The following TRHDE variants were observed in gnomAD, a reference collection of about 807,000 sequenced individuals.
TRHDE encodes the protein thyrotropin-releasing hormone-degrading ectoenzyme.
In TRHDE, 72 loss-of-function variants were observed where a neutral mutation model predicts 125.7. That is an observed-to-expected ratio of 0.57 (90% CI 0.47 to 0.70). The LOEUF (loss-of-function observed/expected upper bound fraction) is 0.70, where lower values mean the gene tolerates loss of function less well. Ranked by LOEUF, TRHDE falls within the 30% of genes least tolerant of loss-of-function variation. The probability of loss-of-function intolerance (pLI) is 0.00; values close to 1 mark genes in which losing one functional copy is unlikely to be tolerated. For missense variants in TRHDE, 1,110 were observed against 1,327.1 expected (o/e 0.84, Z 2.54); for synonymous variants, 509 against 509.1 (o/e 1.00, Z 0.00).
rs1340107034 is a variant in TRHDE, at chr12:72,273,549, G to A, written c.906G>A (p.Gly302=). ...TCCGCAGCTCCTATGTGCTCCACGG[G>A]GAGAGAAGGTATGGAGGGAGGCGGT... The part of the protein sequence containing the change: ...GFFRSSYVLH[G]ERRFLGVTQF... Residue 302 remains glycine (G), a synonymous_variant, in exon 1 of 19, where the codon GGG becomes GGA. Transcript: ENST00000261180. This position sits in a 1 kb window ranked among gnomAD's most constrained non-coding sequence, Gnocchi z 5.3. The A allele has an allele frequency of 6.3e-7, 1 of 1,596,254 alleles. No individual in the cohort carries two copies. The highest frequency in any genetic ancestry group is 1.3e-5 in the African/African-American group (1 of 74,928).
At chr12:72,414,300 C>T (rs1873638165) in intron 3 of TRHDE, among the ~76,000 whole-genome samples, 1 of 151,832 alleles carries the variant, frequency 6.6e-6, no homozygotes, top group Admixed American at 6.6e-5. Context: ...ACATCAGAGC[C>T]CAGGAACACC....
At chr12:72,318,251 G>T (rs1868902607) in intron 2 of TRHDE, among the ~76,000 whole-genome samples, 1 of 152,128 alleles carries the variant, frequency 6.6e-6, no homozygotes, top group Non-Finnish European at 1.5e-5. Context: ...AGAGTCCAAA[G>T]AAATGAGGGT....
chr12:72,603,851 A>G (rs180723839), intron 12 of TRHDE, among the ~76,000 whole-genome samples: 1 of 152,338 alleles, frequency 6.6e-6, no homozygotes, highest in East Asian at 1.9e-4. Context: ...ACTGAGACAC[A>G]TGTTGGTGAC....
chr12:72,375,484 G>C (rs187113165), intron 2 of TRHDE, among the ~76,000 whole-genome samples: 78 of 152,206 alleles, frequency 5.1e-4, no homozygotes, highest in Admixed American at 9.2e-4. Context: ...TGACTAACTG[G>C]TAAGATCGAT....
chr12:72,165,727 G>A (rs1566259619), intron 2 of TRHDE, among the ~76,000 whole-genome samples: 2 of 151,682 alleles, frequency 1.3e-5, no homozygotes, highest in Non-Finnish European at 2.9e-5. Flanking sequence ...AGGCTGGAGG[G>A]TCAGGGGCAC....
intron 3 of TRHDE, among the ~76,000 whole-genome samples, chr12:72,431,226 A>G (rs1874464118): frequency 6.6e-6 from 1 of 152,182 alleles, no homozygotes; most frequent in Non-Finnish European, 1.5e-5. Context: ...GAAAGACAAC[A>G]TTAAAAACAT....
At chr12:72,250,626 A>G (rs1878660372) in intron 2 of TRHDE, among the ~76,000 whole-genome samples, 1 of 152,004 alleles carries the variant, frequency 6.6e-6, no homozygotes, top group Non-Finnish European at 1.5e-5. Flanking sequence ...CTGGATGCTC[A>G]AAGAATGTTT....
chr12:72,180,334 A>C (rs188459091), intron 2 of TRHDE, among the ~76,000 whole-genome samples: 1 of 152,272 alleles, frequency 6.6e-6, no homozygotes, highest in East Asian at 1.9e-4. Flanking sequence ...ATATTATAAT[A>C]AGAATTAACA....
intron 3 of TRHDE, among the ~76,000 whole-genome samples, chr12:72,380,245 T>C (rs528822582): frequency 6.6e-6 from 1 of 152,294 alleles, no homozygotes; most frequent in East Asian, 1.9e-4. Context: ...GAAGCAGATA[T>C]ACCAGTGAAT....
intron 2 of TRHDE, among the ~76,000 whole-genome samples, chr12:72,351,797 G>C (rs1870594953): frequency 6.6e-6 from 1 of 151,870 alleles, no homozygotes; most frequent in African/African-American, 2.4e-5. Context: ...CATATAGCTA[G>C]GCACATTCTG....
intron 3 of TRHDE, among the ~76,000 whole-genome samples, chr12:72,463,872 G>A (rs553231644): frequency 6.6e-6 from 1 of 152,276 alleles, no homozygotes; most frequent in East Asian, 1.9e-4. Context: ...ACTAATGCTG[G>A]AGACTGGATT....
At chr12:72,372,601 T>C (rs1398571537) in intron 2 of TRHDE, among the ~76,000 whole-genome samples, 1 of 152,234 alleles carries the variant, frequency 6.6e-6, no homozygotes, top group Non-Finnish European at 1.5e-5. Context: ...TTCAGCTTTC[T>C]ACATATGGCT....
At chr12:72,605,631 C>A (rs1350356333) in intron 12 of TRHDE, among the ~76,000 whole-genome samples, 1 of 152,050 alleles carries the variant, frequency 6.6e-6, no homozygotes, top group African/African-American at 2.4e-5. Flanking sequence ...GGGATTTTAA[C>A]TCTAATTTGG....
chr12:72,579,466 G>A (rs1332740447), intron 12 of TRHDE, among the ~76,000 whole-genome samples: 2 of 152,068 alleles, frequency 1.3e-5, no homozygotes, highest in Admixed American at 1.3e-4. Context: ...ATGAGCAAAG[G>A]TATTTCCTAC....
chr12:72,597,728 T>C lies in TRHDE; in HGVS notation c.2322-21163T>C, dbSNP rs1187526269. Reference sequence around the variant, plus strand: ...GTGTGTGTATGTATATATATATATATATATATATATATATATATATATATA... The same window carrying C: ...GTGTGTGTATGTATATATATATATACATATATATATATATATATATATATA... On this transcript the variant is annotated intron_variant, in intron 12 of 18. Coordinates refer to ENST00000261180, the MANE Select transcript of TRHDE (RefSeq NM_013381.3). Among the ~76,000 whole-genome samples the C allele has an allele frequency of 6.8e-3, 47 of 6,948 alleles. 1 individual carries two copies. Among genetic ancestry groups the C allele is most frequent in the African/African-American group, 0.018 (45 of 2,474 alleles). The allele number at this position is 6,948 out of a possible 152,430, so 4.6% of individuals were successfully genotyped here.
chr12:72,157,189 C>T (rs1236066173), intron 2 of TRHDE, among the ~76,000 whole-genome samples: 3 of 151,090 alleles, frequency 2.0e-5, no homozygotes, highest in Non-Finnish European at 4.4e-5. Context: ...CTCACTGCAA[C>T]CTTAAATGAT....
rs1874625016 is a variant in TRHDE, at chr12:72,654,348, A to G, written c.2984+1192A>G. ...TATCTAAAAATACGATGGTGTTTAC[A>G]CTGACAAATAGGAGCATAATCTTCA... On this transcript the variant is annotated intron_variant, in intron 17 of 18. Coordinates refer to ENST00000261180, the MANE Select transcript of TRHDE (RefSeq NM_013381.3). 7.2e-5 allele frequency among the ~76,000 whole-genome samples: 11 copies of G among 152,296 alleles called. No homozygotes were observed. In the South Asian group the frequency reaches 2.1e-3, roughly 29 times the overall value.
chr12:72,587,540 A>T (rs17111496), intron 12 of TRHDE, among the ~76,000 whole-genome samples: 10,297 of 152,196 alleles, frequency 0.068, 419 homozygotes, highest in Middle Eastern at 0.11. Flanking sequence ...ATAGAGCCAT[A>T]ACACTTCATG....
chr12:72,569,173 G>A (rs115924450), intron 10 of TRHDE, among the ~76,000 whole-genome samples: 1,561 of 152,276 alleles, frequency 0.01, 27 homozygotes, highest in African/African-American at 0.036. Context: ...GGAGCAGAGA[G>A]AGATGAGATT....
Sources: gnomAD v4.1 joint callset for allele counts (sites outside exome capture counted in the v4.1 genomes callset) on GRCh38, gnomAD v4.1.1 for gene constraint, Gnocchi (gnomAD v3.1) non-coding constraint, MANE v1.5 for transcripts, NCBI Gene and HGNC (gene_info 2026-07-23, HGNC 2026-07-21) for gene names.